Variants in CLNK observed in about 807,000 individuals in gnomAD.
The protein encoded by CLNK is cytokine-dependent hematopoietic cell linker.
A neutral mutation model predicts 68.6 loss-of-function variants in CLNK; 74 were observed. That is an observed-to-expected ratio of 1.08 (90% CI 0.89 to 1.31). The LOEUF is 1.31. Among genes scored for constraint, CLNK ranks in the 50% most tolerant of loss-of-function variants. CLNK has a pLI of 0.00. For synonymous variants in CLNK, 198 were observed against 172.2 expected (o/e 1.15, Z -1.17); for missense variants, 553 against 515.3 (o/e 1.07, Z -0.71).
At chr4:10,523,678 G>A (rs1718178751) in intron 14 of CLNK, among the ~76,000 whole-genome samples, 1 of 152,194 alleles carries the variant, frequency 6.6e-6, no homozygotes, top group Admixed American at 6.5e-5. Context: ...TGGAGAGCTT[G>A]TTATTTTTTC....
chr4:10,592,053 C>A (rs908263709), intron 3 of CLNK, among the ~76,000 whole-genome samples: 2 of 152,220 alleles, frequency 1.3e-5, no homozygotes, highest in African/African-American at 2.4e-5. Flanking sequence ...CCTGCCCTGC[C>A]GGGGCCTGTC....
intron 2 of CLNK, among the ~76,000 whole-genome samples, chr4:10,660,771 T>C (rs897374029): frequency 6.6e-6 from 1 of 152,212 alleles, no homozygotes; most frequent in Non-Finnish European, 1.5e-5. Flanking sequence ...ACCGACCATC[T>C]TTATTGAGTC....
At chr4:10,609,048 T>C (rs905738781) in intron 2 of CLNK, among the ~76,000 whole-genome samples, 3 of 152,168 alleles carry the variant, frequency 2.0e-5, no homozygotes, top group Admixed American at 2.0e-4. Flanking sequence ...CGTAGGAACT[T>C]AAAGGACACA....
chr4:10,500,876 C>G (rs1014975297), intron 18 of CLNK, among the ~76,000 whole-genome samples: 1 of 152,104 alleles, frequency 6.6e-6, no homozygotes, highest in Non-Finnish European at 1.5e-5. Context: ...TTTGGGGACA[C>G]GAGTCTATAG....
At chr4:10,679,856 G>C (rs1725025486) in intron 1 of CLNK, among the ~76,000 whole-genome samples, 2 of 152,100 alleles carry the variant, frequency 1.3e-5, no homozygotes, top group African/African-American at 4.8e-5. Context: ...TCATTAAAAA[G>C]TCAGGAAACA....
intron 4 of CLNK, among the ~76,000 whole-genome samples, chr4:10,576,598 G>A (rs34454366): frequency 3.4e-3 from 517 of 152,296 alleles, no homozygotes; most frequent in Non-Finnish European, 5.1e-3. Flanking sequence ...AGCTCTTCTC[G>A]TGTCTGCAGA....
At chr4:10,569,964 A>G (rs1311190450) in intron 5 of CLNK, among the ~76,000 whole-genome samples, 3 of 152,306 alleles carry the variant, frequency 2.0e-5, no homozygotes, top group African/African-American at 7.2e-5. Context: ...GGTAGAGCCC[A>G]GTACCCAGGA....
chr4:10,647,947 A>G (rs1193594944), intron 2 of CLNK, among the ~76,000 whole-genome samples: 1 of 152,124 alleles, frequency 6.6e-6, no homozygotes, highest in Non-Finnish European at 1.5e-5. Flanking sequence ...GTCAGTGCTC[A>G]TTCCACTACA....
At chr4:10,627,272 CA>C (rs1173671177) in intron 2 of CLNK, among the ~76,000 whole-genome samples, 1 of 152,046 alleles carries the variant, frequency 6.6e-6, no homozygotes, top group Non-Finnish European at 1.5e-5. Context: ...CACCTTTATG[CA>C]GAACAGGAAG....
intron 6 of CLNK, among the ~76,000 whole-genome samples, chr4:10,565,323 T>C (rs1025672215): frequency 6.6e-6 from 1 of 152,246 alleles, no homozygotes; most frequent in Non-Finnish European, 1.5e-5. Flanking sequence ...ATTTACAAGA[T>C]GACTTTCTCC....
chr4:10,559,246 T>A (rs1045708028), intron 7 of CLNK, among the ~76,000 whole-genome samples: 1 of 152,216 alleles, frequency 6.6e-6, no homozygotes, highest in Non-Finnish European at 1.5e-5. Context: ...CAGGTTGAGT[T>A]GGGCATGGTG....
Position 10,511,789 on chromosome 4 carries a change from G to A in CLNK, c.906+1675C>T, listed in dbSNP as rs114596615. On this transcript the variant is annotated intron_variant, in intron 16 of 18. Coordinates refer to ENST00000226951, the MANE Select transcript of CLNK (RefSeq NM_052964.4). Reference sequence around the variant, plus strand: ...GTCAATGGACATATAGGTTATTTCCGTCTTTTGTCTATTGTAAATAATGTT... The same window carrying A: ...GTCAATGGACATATAGGTTATTTCCATCTTTTGTCTATTGTAAATAATGTT... Among the ~76,000 whole-genome samples the A allele has an allele frequency of 3.4e-3, 514 of 152,136 alleles. 4 individuals are homozygous for A. Among genetic ancestry groups the A allele is most frequent in the African/African-American group, 0.012 (482 of 41,512 alleles).
chr4:10,660,755 C>A (rs1724163249), intron 2 of CLNK, among the ~76,000 whole-genome samples: 1 of 152,214 alleles, frequency 6.6e-6, no homozygotes, highest in Non-Finnish European at 1.5e-5. Context: ...CCTCTATTCC[C>A]TCATCACCGA....
chr4:10,537,465 G>A (rs926981240), intron 11 of CLNK, among the ~76,000 whole-genome samples: 1 of 151,988 alleles, frequency 6.6e-6, no homozygotes, highest in Non-Finnish European at 1.5e-5. Context: ...GCAATAGAGC[G>A]AGATTCCATC....
intron 2 of CLNK, among the ~76,000 whole-genome samples, chr4:10,623,808 G>A (rs948274643): frequency 8.5e-5 from 13 of 152,222 alleles, no homozygotes; most frequent in Non-Finnish European, 1.5e-4. Context: ...AAATACATTT[G>A]CTACAGAAGG....
intron 16 of CLNK, among the ~76,000 whole-genome samples, chr4:10,511,036 C>G (rs1376862528): frequency 6.6e-6 from 1 of 152,124 alleles, no homozygotes; most frequent in Non-Finnish European, 1.5e-5. Flanking sequence ...GCCTGTAATC[C>G]CAGATACTTG....
chr4:10,682,380 G>A (rs1725126978), intron 1 of CLNK, among the ~76,000 whole-genome samples: 1 of 152,130 alleles, frequency 6.6e-6, no homozygotes. Context: ...GGCAGATGTT[G>A]GCAGTAGCTT....
intron 12 of CLNK, among the ~76,000 whole-genome samples, chr4:10,530,560 G>A (rs1718494866): frequency 6.6e-6 from 1 of 152,156 alleles, no homozygotes; most frequent in Non-Finnish European, 1.5e-5. Flanking sequence ...CTAGCAGAAT[G>A]CCAACTAAAG....
At chr4:10,729,759 G>C in the CLNK span, among the ~76,000 whole-genome samples, 1 of 152,178 alleles carries the variant, frequency 6.6e-6, no homozygotes, top group Non-Finnish European at 1.5e-5. Flanking sequence ...CGTTGCAAAA[G>C]TTTGAAACAT....
Sources: allele counts gnomAD v4.1 joint callset (sites outside exome capture counted in the v4.1 genomes callset), GRCh38; gene constraint gnomAD v4.1.1; transcripts MANE v1.5; gene names NCBI Gene and HGNC (gene_info 2026-07-23, HGNC 2026-07-21).